The following ARHGAP28 variants were observed in gnomAD, a reference collection of about 807,000 sequenced individuals.
ARHGAP28 encodes Rho GTPase activating protein 28, also known as rho GTPase-activating protein 28.
ARHGAP28 carries 56 observed loss-of-function variants against 90.7 expected under a neutral mutation model. The observed-to-expected ratio is 0.62, with a 90% CI of 0.50 to 0.77. The LOEUF is 0.77. Ranked by LOEUF, ARHGAP28 falls within the 30% of genes least tolerant of loss-of-function variation. The pLI, the probability that ARHGAP28 is intolerant of heterozygous loss-of-function variation, is 0.00. For synonymous variants in ARHGAP28, 308 were observed against 323.3 expected, an observed-to-expected ratio of 0.95 and a Z score of 0.51; for missense variants, 869 against 900.9, an observed-to-expected ratio of 0.96 and a Z score of 0.45.
chr18:6,730,105 T>C (rs887199549), intron 1 of ARHGAP28, 162 bp downstream of exon 1: 3 of 718,046 alleles, frequency 4.2e-6, no homozygotes, highest in Non-Finnish European at 5.9e-6. Context: ...GCATTGTCTT[T>C]GACTGGAGGT....
chr18:6,755,179 A>G (rs745717268), intron 1 of ARHGAP28, among the ~76,000 whole-genome samples: 1 of 152,150 alleles, frequency 6.6e-6, no homozygotes, highest in African/African-American at 2.4e-5. Context: ...TCTTAAAGCA[A>G]AAAAAGAAAG....
chr18:6,832,694 C>T (rs898685159), intron 2 of ARHGAP28, among the ~76,000 whole-genome samples: 15 of 151,954 alleles, frequency 9.9e-5, no homozygotes, highest in African/African-American at 3.4e-4. Flanking sequence ...AAGTCTGCTT[C>T]GTCTAATAAT....
chr18:6,805,270 T>C (rs577725798), intron 1 of ARHGAP28, among the ~76,000 whole-genome samples: 1 of 152,342 alleles, frequency 6.6e-6, no homozygotes, highest in East Asian at 1.9e-4. Flanking sequence ...TTCGTCTTCA[T>C]TGATCTTACT....
chr18:6,829,286 C>T (rs1402470937), intron 2 of ARHGAP28, among the ~76,000 whole-genome samples: 1 of 152,188 alleles, frequency 6.6e-6, no homozygotes, highest in East Asian at 1.9e-4. Context: ...CACAAGTTCA[C>T]AATAACCTCC....
At chr18:6,901,711 A>G (rs956364497) in intron 16 of ARHGAP28, among the ~76,000 whole-genome samples, 15 of 152,322 alleles carry the variant, frequency 9.8e-5, no homozygotes, top group African/African-American at 3.1e-4. Flanking sequence ...TAAGGCAACT[A>G]TGATAAATTA....
chr18:6,828,008 G>A (rs1461483752), intron 2 of ARHGAP28, among the ~76,000 whole-genome samples: 1 of 152,154 alleles, frequency 6.6e-6, no homozygotes, highest in African/African-American at 2.4e-5. Context: ...GCTGCTGGGA[G>A]GTGGAGGTTG....
chr18:6,837,053 T>C (rs1213375357), intron 2 of ARHGAP28, 144 bp from the exon 3 acceptor site: 20 of 652,580 alleles, frequency 3.1e-5, no homozygotes, highest in Non-Finnish European at 3.4e-5. Flanking sequence ...GTGCAGACTT[T>C]CATTCATTCT....
At chr18:6,863,655 G>T (rs550741314) in intron 5 of ARHGAP28, among the ~76,000 whole-genome samples, 1 of 151,414 alleles carries the variant, frequency 6.6e-6, no homozygotes, top group Non-Finnish European at 1.5e-5. Flanking sequence ...GCCATTTATC[G>T]AACTATGATA....
At chr18:6,770,858 CT>C (rs2056237160) in intron 1 of ARHGAP28, among the ~76,000 whole-genome samples, 1 of 152,044 alleles carries the variant, frequency 6.6e-6, no homozygotes, top group Admixed American at 6.5e-5. Context: ...AGAATGAAGA[CT>C]TGTGAAAGTC....
chr18:6,859,853 C>G lies in ARHGAP28; in HGVS notation c.682C>G (p.Gln228Glu). The G allele has an allele frequency of 6.2e-7, 1 of 1,614,176 alleles. No individual in the cohort carries two copies. The highest frequency in any genetic ancestry group is 8.5e-7 in the Non-Finnish European group (1 of 1,180,022). Residue 228 changes from glutamine to glutamate, a missense_variant, in exon 5 of 18, where the codon CAG (glutamine) becomes GAG (glutamate). Coordinates refer to ENST00000383472, the MANE Select transcript of ARHGAP28 (RefSeq NM_001366230.1). ...CAGTACTACCCTGTCTGACGCATCC[C>G]AGGATAAAGAAGGGAGTTTTGCGGT... is the stretch of plus-strand genomic sequence containing the variant. ...LNSTTLSDAS[Q>E]DKEGSFAVPR...
chr18:6,846,420 G>A (rs1294519769), intron 3 of ARHGAP28, among the ~76,000 whole-genome samples: 1 of 152,106 alleles, frequency 6.6e-6, no homozygotes, highest in Non-Finnish European at 1.5e-5. Flanking sequence ...GTTTGGATGT[G>A]GCCAGTTTGT....
In ARHGAP28 at chr18:6,812,620, G is replaced by C. The variant is rs1317578765; in HGVS notation, c.123-12142G>C. 2.3e-5 allele frequency among the ~76,000 whole-genome samples: 3 copies of C among 129,596 alleles called. No individual in the cohort carries two copies. In the East Asian group the frequency reaches 5.8e-4, roughly 25 times the overall value. The allele number at this position is 129,596 out of a possible 152,430, so 85.0% of individuals were successfully genotyped here. A position where few individuals can be genotyped will look rare whatever the true frequency, so the allele number is the denominator to read the frequency against. On this transcript the variant is annotated intron_variant, in intron 1 of 17. Coordinates refer to ENST00000383472, the MANE Select transcript of ARHGAP28 (RefSeq NM_001366230.1). ...CCCATGGCATCAGCTATTGATCAGA[G>C]ACATATAGCTTTTCGTCTGCTGTCA...
intron 3 of ARHGAP28, among the ~76,000 whole-genome samples, chr18:6,841,013 T>G (rs1177476593): frequency 3.9e-5 from 6 of 152,090 alleles, no homozygotes; most frequent in Admixed American, 6.5e-5. Flanking sequence ...ATTTGGAAGC[T>G]TCTAGAGAAT....
intron 1 of ARHGAP28, among the ~76,000 whole-genome samples, chr18:6,746,670 A>G (rs189305973): frequency 5.4e-4 from 83 of 152,358 alleles, no homozygotes; most frequent in African/African-American, 1.8e-3. Flanking sequence ...CAAGGTCACA[A>G]GGAATCAGTG....
chr18:6,895,685 C>T (rs940731766), intron 15 of ARHGAP28, among the ~76,000 whole-genome samples: 6 of 152,328 alleles, frequency 3.9e-5, no homozygotes, highest in Non-Finnish European at 8.8e-5. Flanking sequence ...GGATTAAGGG[C>T]ACTCCCTACT....
chr18:6,908,209 C>T (rs1185176025), intron 16 of ARHGAP28, among the ~76,000 whole-genome samples: 2 of 152,040 alleles, frequency 1.3e-5, no homozygotes, highest in Non-Finnish European at 2.9e-5. Context: ...ACGATCTCCA[C>T]CCACTGCAAC....
At chr18:6,852,171 G>A (rs910051592) in intron 4 of ARHGAP28, among the ~76,000 whole-genome samples, 7 of 152,042 alleles carry the variant, frequency 4.6e-5, no homozygotes, top group African/African-American at 1.5e-4. Context: ...CAGTCTATTT[G>A]TGTGTTACAT....
At chr18:6,777,771 T>C (rs1455219061) in intron 1 of ARHGAP28, among the ~76,000 whole-genome samples, 1 of 152,064 alleles carries the variant, frequency 6.6e-6, no homozygotes, top group Non-Finnish European at 1.5e-5. Context: ...AATGAATGAA[T>C]AAAACAGTTG....
In ARHGAP28 at chr18:6,824,755, T is replaced by G. The variant is rs886093602; in HGVS notation, c.123-7T>G. The G allele has an allele frequency of 1.1e-5, 17 of 1,531,086 alleles. No homozygotes were observed. The highest frequency in any genetic ancestry group is 1.5e-5 in the Non-Finnish European group (17 of 1,145,474). The allele number at this position is 1,531,086 out of a possible 1,614,324, so 94.8% of individuals were successfully genotyped here. A position where few individuals can be genotyped will look rare whatever the true frequency, so the allele number is the denominator to read the frequency against. On this transcript the variant is annotated splice_polypyrimidine_tract_variant and splice_region_variant and intron_variant, in intron 1 of 17. Coordinates refer to ENST00000383472, the MANE Select transcript of ARHGAP28 (RefSeq NM_001366230.1). ...GTTTTTATTCATAGATATTATTCTT[T>G]CCTCAGAAAATCCATTCCTCGCTGC...
Sources: gnomAD v4.1 joint callset for allele counts (sites outside exome capture counted in the v4.1 genomes callset) on GRCh38, gnomAD v4.1.1 for gene constraint, MANE v1.5 for transcripts, NCBI Gene and HGNC (gene_info 2026-07-23, HGNC 2026-07-21) for gene names.